ZNF208: variants seen among roughly 807,000 people sequenced by gnomAD.
ZNF208 encodes zinc finger protein 95.
In ZNF208, 10 loss-of-function variants were observed where a neutral mutation model predicts 12.1. The ratio of observed to expected loss-of-function variants is 0.83; its 90% confidence interval spans 0.51 to 1.40. The LOEUF (loss-of-function observed/expected upper bound fraction) is 1.40, where lower values mean the gene tolerates loss of function less well. Among genes scored for constraint, ZNF208 ranks in the 40% most tolerant of loss-of-function variants. The pLI is 0.00. For missense variants in ZNF208, 1,652 were observed against 1,485.0 expected (o/e 1.11, Z -1.85); for synonymous variants, 497 against 488.4 (o/e 1.02, Z -0.23).
In ZNF208 at chr19:22,006,797, AAC is replaced by A. The variant is rs1971052507; in HGVS notation, c.3+3993_3+3994del. On this transcript the variant is annotated intron_variant, in intron 1 of 3. Transcript: ENST00000397126. ...GAAAAATCCAGCAAAATGATTCAAAAACAGTGTTCATATAAGAAAATTTTAAG... is the reference window on the plus strand; with the variant it reads ...GAAAAATCCAGCAAAATGATTCAAAAAGTGTTCATATAAGAAAATTTTAAG... Among the ~76,000 whole-genome samples, 3 of 152,312 alleles carry A rather than the reference AAC, an allele frequency of 2.0e-5. No individual in the cohort carries two copies. The South Asian group carries it at 6.2e-4, about 32-fold the overall frequency.
rs116140449 is a variant in ZNF208 at position 21,975,213 on chromosome 19, A to G, written c.227-406T>C. Among the ~76,000 whole-genome samples the G allele has an allele frequency of 2.4e-3, 367 of 152,248 alleles. 2 individuals carry two copies. Among genetic ancestry groups the G allele is most frequent in the African/African-American group, 8.1e-3 (335 of 41,566 alleles). Reference sequence around the variant, plus strand: ...GGAAAGTAAAATATTGGCACAAAAAATTTAATTTATGTCTTCTACAGCCCT... The same window carrying G: ...GGAAAGTAAAATATTGGCACAAAAAGTTTAATTTATGTCTTCTACAGCCCT... On this transcript the variant is annotated intron_variant, in intron 3 of 3. Transcript: ENST00000397126.
intron 1 of ZNF208, among the ~76,000 whole-genome samples, chr19:21,991,089 C>T (rs1970725198): frequency 6.6e-6 from 1 of 152,014 alleles, no homozygotes; most frequent in Non-Finnish European, 1.5e-5. Context: ...TAATTGAATA[C>T]CCTTTATTTC....
chr19:21,949,538 A>C (rs2145515077), intron 4 of ZNF208, among the ~76,000 whole-genome samples: 1 of 152,258 alleles, frequency 6.6e-6, no homozygotes, highest in East Asian at 1.9e-4. Flanking sequence ...ATACCACCTT[A>C]TTAAAAAAAC....
At chr19:21,944,916 G>A (rs1187589705) in intron 4 of ZNF208, among the ~76,000 whole-genome samples, 1 of 152,160 alleles carries the variant, frequency 6.6e-6, no homozygotes, top group Non-Finnish European at 1.5e-5. Context: ...AACACAATAA[G>A]CCCCAGCATT....
intron 4 of ZNF208, among the ~76,000 whole-genome samples, chr19:21,945,476 A>ATATG (rs1491341279): frequency 6.7e-6 from 1 of 149,884 alleles, no homozygotes; most frequent in East Asian, 1.9e-4. Context: ...TTTTTCTCTT[A>ATATG]CATGTCAATA....
chr19:21,945,876 T>A (rs1200081035), intron 4 of ZNF208, among the ~76,000 whole-genome samples: 2 of 150,006 alleles, frequency 1.3e-5, no homozygotes, highest in African/African-American at 2.5e-5. Context: ...GGTTAGTGCC[T>A]TATCCCCACA....
chr19:21,994,996 G>A (rs1970807145), intron 1 of ZNF208, among the ~76,000 whole-genome samples: 1 of 147,720 alleles, frequency 6.8e-6, no homozygotes, highest in Non-Finnish European at 1.5e-5. Flanking sequence ...TTGTTGCCCG[G>A]GCTGTGGTGC....
chr19:21,993,487 A>G (rs1321711397), intron 1 of ZNF208, among the ~76,000 whole-genome samples: 2 of 152,016 alleles, frequency 1.3e-5, no homozygotes, highest in East Asian at 1.9e-4. Flanking sequence ...AAAATGGCCA[A>G]GTGATACTAA....
intron 4 of ZNF208, chr19:21,941,094 T>C (rs1257514363): frequency 2.9e-6 from 1 of 343,996 alleles, no homozygotes; most frequent in African/African-American, 2.1e-5. Context: ...GTGGTCCCTG[T>C]AAACCAGGCC....
At chr19:22,006,370 T>G (rs191391791) in intron 1 of ZNF208, among the ~76,000 whole-genome samples, 38 of 152,324 alleles carry the variant, frequency 2.5e-4, no homozygotes, top group African/African-American at 8.2e-4. Context: ...GAATTCAATT[T>G]TTTTTTTAAT....
At chr19:22,009,303 C>A (rs1971101412) in intron 1 of ZNF208, among the ~76,000 whole-genome samples, 1 of 152,022 alleles carries the variant, frequency 6.6e-6, no homozygotes, top group African/African-American at 2.4e-5. Context: ...CAGAGTCAGG[C>A]TGGAGAAATA....
intron 3 of ZNF208, among the ~76,000 whole-genome samples, chr19:21,980,327 C>T (rs572965441): frequency 6.6e-6 from 1 of 152,188 alleles, no homozygotes; most frequent in South Asian, 2.1e-4. Context: ...AAGTAAAATA[C>T]TCCTCAGCAA....
At chr19:21,945,569 T>G (rs927578795) in intron 4 of ZNF208, among the ~76,000 whole-genome samples, 1 of 152,200 alleles carries the variant, frequency 6.6e-6, no homozygotes, top group African/African-American at 2.4e-5. Context: ...CATGTATATC[T>G]CTCATGTTTC....
At chr19:21,944,364 T>A (rs138324788) in intron 4 of ZNF208, among the ~76,000 whole-genome samples, 1,741 of 152,314 alleles carry the variant, frequency 0.011, 34 homozygotes, top group African/African-American at 0.04. Context: ...CAAAATCATA[T>A]GCAAAAATTA....
intron 1 of ZNF208, among the ~76,000 whole-genome samples, chr19:21,992,035 G>A (rs1970748050): frequency 6.6e-6 from 1 of 151,642 alleles, no homozygotes; most frequent in African/African-American, 2.4e-5. Context: ...CAGTTTTTCT[G>A]GTTTGTAAAC....
In ZNF208 at chr19:21,988,927, A is replaced by C. The variant is rs773286444; in HGVS notation, c.4-18T>G. The C allele has an allele frequency of 6.2e-7, 1 of 1,613,162 alleles. No individual in the cohort carries two copies. Among genetic ancestry groups the C allele is most frequent in the South Asian group, 1.1e-5 (1 of 90,844 alleles). On this transcript the variant is annotated intron_variant, in intron 1 of 3. Transcript: ENST00000397126. ...AATGATCCCTGGAAAACACAAACAC[A>C]CATATTTATCAACTGGACATGGGCA...
chr19:21,983,321 G>A (rs1970577698), intron 3 of ZNF208, among the ~76,000 whole-genome samples: 1 of 151,970 alleles, frequency 6.6e-6, no homozygotes, highest in Non-Finnish European at 1.5e-5. Flanking sequence ...TCTCATGCCA[G>A]TTAGAACGGC....
chr19:21,963,691 CT>C (rs2145531661), downstream of ZNF208, among the ~76,000 whole-genome samples: 1 of 151,924 alleles, frequency 6.6e-6, no homozygotes, highest in African/African-American at 2.4e-5. Flanking sequence ...GTTTGTTACC[CT>C]TTAGTTTTAT....
At chr19:21,965,144 C>T (rs893206987), downstream of ZNF208, among the ~76,000 whole-genome samples, 1 of 151,898 alleles carries the variant, frequency 6.6e-6, no homozygotes, top group Non-Finnish European at 1.5e-5. Context: ...AATATTAATA[C>T]TATCATCTGG....
Sources: gnomAD v4.1 joint callset for allele counts (sites outside exome capture counted in the v4.1 genomes callset) on GRCh38, gnomAD v4.1.1 for gene constraint, MANE v1.5 for transcripts, NCBI Gene and HGNC (gene_info 2026-07-23, HGNC 2026-07-21) for gene names.